Variants in PLAG1 observed in about 807,000 individuals in gnomAD.
PLAG1 encodes zinc finger protein PLAG1.
PLAG1 carries 7 observed loss-of-function variants against 35.5 expected under a neutral mutation model. The ratio of observed to expected loss-of-function variants is 0.20; its 90% CI spans 0.11 to 0.37. The LOEUF is 0.37. PLAG1 is among the 10% of genes least tolerant of loss of function. The probability of loss-of-function intolerance (pLI) is 1.00; values close to 1 mark genes in which losing one functional copy is unlikely to be tolerated. For synonymous variants in PLAG1, 229 were observed against 225.4 expected, an observed-to-expected ratio of 1.02 and a Z score of -0.14; for missense variants, 454 against 602.8, an observed-to-expected ratio of 0.75 and a Z score of 2.58.
At chr8:56,173,095 C>T (rs1171397396) in intron 2 of PLAG1, among the ~76,000 whole-genome samples, 2 of 152,034 alleles carry the variant, frequency 1.3e-5, no homozygotes, top group African/African-American at 4.8e-5. Context: ...CAAATACATT[C>T]ATAAAATCTT....
intron 1 of PLAG1, among the ~76,000 whole-genome samples, chr8:56,191,016 A>G (rs1287339635): frequency 6.6e-6 from 1 of 152,122 alleles, no homozygotes; most frequent in Admixed American, 6.5e-5. Context: ...GGCGCTACGG[A>G]ATTTAAAGGG....
Position 56,182,712 on chromosome 8 carries a change from G to A in PLAG1, c.-321-3199C>T, listed in dbSNP as rs114520238. 9.7e-4 allele frequency among the ~76,000 whole-genome samples: 148 copies of A among 152,202 alleles called. 2 individuals are homozygous for A. The highest frequency in any genetic ancestry group is 3.3e-3 in the African/African-American group (137 of 41,520). On this transcript the variant is annotated intron_variant, in intron 1 of 4. Transcript: ENST00000316981. ...AGGATGTTTTCTTTCTAGGAGCTTC[G>A]CACCTAAAGAGAAGAGAAAAACAAG...
chr8:56,169,912 C>T (rs1039902857), intron 3 of PLAG1, among the ~76,000 whole-genome samples: 3 of 152,200 alleles, frequency 2.0e-5, no homozygotes, highest in Non-Finnish European at 4.4e-5. Context: ...TTCCTTATAT[C>T]ACCTGTGTTT....
chr8:56,201,958 CTCT>C (rs1230155437), intron 1 of PLAG1, among the ~76,000 whole-genome samples: 2 of 141,192 alleles, frequency 1.4e-5, no homozygotes, highest in African/African-American at 5.1e-5. Context: ...TCTTTTTGGG[CTCT>C]TTTTTTTTTT....
Position 56,167,539 on chromosome 8 carries a change from T to C in PLAG1, c.243-36A>G, listed in dbSNP as rs1333225405. ...AGATATAATCTATAAGTAGTTATTA[T>C]GACAAAAATGGCATGTATTCACTTT... On this transcript the variant is annotated intron_variant, in intron 4 of 4. Transcript: ENST00000316981. The surrounding 1 kb of genome is among the most constrained non-coding windows in gnomAD (Gnocchi z 5.9). The C allele has an allele frequency of 3.0e-6, 4 of 1,354,722 alleles. No individual in the cohort carries two copies. The highest frequency in any genetic ancestry group is 4.1e-6 in the Non-Finnish European group (4 of 977,784). 83.9% of individuals were successfully genotyped at this position (1,354,722 alleles called of 1,614,324 possible). A position where few individuals can be genotyped will look rare whatever the true frequency, so the allele number is the denominator to read the frequency against.
At chr8:56,208,730 T>C (rs1245157685) in intron 1 of PLAG1, among the ~76,000 whole-genome samples, 1 of 152,196 alleles carries the variant, frequency 6.6e-6, no homozygotes, top group East Asian at 1.9e-4. Flanking sequence ...ATCCCCATTA[T>C]AGTACAGCTA....
Position 56,162,443 on chromosome 8 carries a change from C to T in PLAG1, c.*3800G>A, listed in dbSNP as rs1340926240. ...AATATAGCAAATTGATAAGAAAACA[C>T]TGTAAAAATGTACCTGTTTAAAATA... On this transcript the variant is annotated 3_prime_UTR_variant, in exon 5 of 5. Transcript: ENST00000316981. 4.5e-6 allele frequency: 1 copy of T among 220,276 alleles called. No homozygotes were observed. Among genetic ancestry groups the T allele is most frequent in the Non-Finnish European group, 9.1e-6 (1 of 109,776 alleles). 13.6% of individuals were successfully genotyped at this position (220,276 alleles called of 1,614,324 possible). A position where few individuals can be genotyped will look rare whatever the true frequency, so the allele number is the denominator to read the frequency against.
chr8:56,192,074 A>T (rs1342902404), intron 1 of PLAG1, among the ~76,000 whole-genome samples: 2 of 152,220 alleles, frequency 1.3e-5, no homozygotes, highest in African/African-American at 4.8e-5. Flanking sequence ...GGACAAATTA[A>T]AACAAAAGAA....
Position 56,163,661 on chromosome 8 carries a change from G to T in PLAG1, c.*2582C>A, listed in dbSNP as rs1289486395. 5.7e-6 allele frequency: 1 copy of T among 175,516 alleles called. No homozygotes were observed. Among genetic ancestry groups the T allele is most frequent in the Admixed American group, 6.4e-5 (1 of 15,548 alleles). The allele number at this position is 175,516 out of a possible 1,614,324, so 10.9% of individuals were successfully genotyped here. On this transcript the variant is annotated 3_prime_UTR_variant, in exon 5 of 5. Transcript: ENST00000316981. ...TTCATGCAGGGCAAGATTTAAGTAT[G>T]TGTGTGTGTGTGTATATATACACAC...
chr8:56,187,514 C>T (rs1445871530), intron 1 of PLAG1, among the ~76,000 whole-genome samples: 1 of 152,170 alleles, frequency 6.6e-6, no homozygotes, highest in Non-Finnish European at 1.5e-5. Flanking sequence ...AAAACATCTA[C>T]CTTGCAGTAG....
chr8:56,197,850 G>GTTGCGCAGGGCTT (rs1812430348), intron 1 of PLAG1, among the ~76,000 whole-genome samples: 1 of 152,198 alleles, frequency 6.6e-6, no homozygotes, highest in South Asian at 2.1e-4. Context: ...GTCTGTACTT[G>GTTGCGCAGGGCTT]TTGCGCAGGG....
At position 56,164,921 on chromosome 8, in the gene PLAG1, A is replaced by G. The variant is rs1407818140; in HGVS notation, c.*1322T>C. Reference sequence around the variant, plus strand: ...GCATGAAAGTGGGATTTTACTGTATATATTTCTAGTCACTTAAAACTTTGT... The same window carrying G: ...GCATGAAAGTGGGATTTTACTGTATGTATTTCTAGTCACTTAAAACTTTGT... On this transcript the variant is annotated 3_prime_UTR_variant, in exon 5 of 5. Coordinates refer to ENST00000316981, the MANE Select transcript of PLAG1 (RefSeq NM_002655.3). 2 of 209,502 alleles carry G rather than the reference A, an allele frequency of 9.5e-6. No individual in the cohort carries two copies. Among genetic ancestry groups the G allele is most frequent in the Non-Finnish European group, 1.9e-5 (2 of 103,036 alleles). The allele number at this position is 209,502 out of a possible 1,614,324, so 13.0% of individuals were successfully genotyped here.
chr8:56,211,165 C>T lies in PLAG1; in HGVS notation c.-366G>A, dbSNP rs888272432. 2.0e-5 allele frequency: 3 copies of T among 153,430 alleles called. No individual in the cohort carries two copies. Among genetic ancestry groups the T allele is most frequent in the African/African-American group, 7.2e-5 (3 of 41,428 alleles). 9.5% of individuals were successfully genotyped at this position (153,430 alleles called of 1,614,324 possible). On this transcript the variant is annotated 5_prime_UTR_variant, in exon 1 of 5. Coordinates refer to ENST00000316981, the MANE Select transcript of PLAG1 (RefSeq NM_002655.3). ...CCCTCCGGCCCGTCCGCCGCCTCTACACCGCCCGCGGAATTTCTAATAATT... is the reference window on the plus strand; with the variant it reads ...CCCTCCGGCCCGTCCGCCGCCTCTATACCGCCCGCGGAATTTCTAATAATT...
intron 2 of PLAG1, among the ~76,000 whole-genome samples, chr8:56,176,408 T>TG (rs1433759227): frequency 4.9e-5 from 1 of 20,598 alleles, no homozygotes; most frequent in Admixed American, 7.1e-4. Context: ...AACTGCTATT[T>TG]GGGGTGGGGG....
chr8:56,206,268 G>C (rs1812699188), intron 1 of PLAG1, among the ~76,000 whole-genome samples: 1 of 151,892 alleles, frequency 6.6e-6, no homozygotes, highest in African/African-American at 2.4e-5. Context: ...CGATTTAAAA[G>C]TAAAAATCAA....
chr8:56,189,711 G>A (rs554382953), intron 1 of PLAG1, among the ~76,000 whole-genome samples: 209 of 152,340 alleles, frequency 1.4e-3, no homozygotes, highest in African/African-American at 4.8e-3. Flanking sequence ...CCAAGCTTTG[G>A]AGATGGGAAT....
Position 56,166,687 on chromosome 8 carries a change from C to G in PLAG1, c.1059G>C (p.Lys353Asn), listed in dbSNP as rs747149409. The G allele has an allele frequency of 6.2e-7, 1 of 1,614,082 alleles. No individual in the cohort carries two copies. The highest frequency in any genetic ancestry group is 1.1e-5 in the South Asian group (1 of 91,082). ...CCATCAGGTAACTCTCAATTTCCCC[C>G]TTTAATGGCTGTTCTTTTTCAGGAA... ...ISIPEKEQPL[K>N]GEIESYLMEL... The change falls in exon 5 of 5, where the codon AAG (lysine) becomes AAC (asparagine). Residue 353 changes from lysine to asparagine, a missense_variant. By Grantham distance (94) the Lys-to-Asn change is moderately conservative (BLOSUM62 0). This residue lies in a region of PLAG1 where 271 missense variants were observed against 315.6 expected (regional missense o/e 0.86). Coordinates refer to ENST00000316981, the MANE Select transcript of PLAG1 (RefSeq NM_002655.3).
In PLAG1 at chr8:56,166,160, T is replaced by C; in HGVS notation, c.*83A>G. 1 of 997,606 alleles carries C rather than the reference T, an allele frequency of 1.0e-6. No individual in the cohort carries two copies. Among genetic ancestry groups the C allele is most frequent in the Admixed American group, 2.4e-5 (1 of 41,934 alleles). The allele number at this position is 997,606 out of a possible 1,614,324, so 61.8% of individuals were successfully genotyped here. On this transcript the variant is annotated 3_prime_UTR_variant, in exon 5 of 5. Transcript: ENST00000316981. ...ACAAAAGCAGAAATTTTTATACTGT[T>C]TTAAAGTAGGCACTAAAATAAAAAT...
rs144706882 is a variant in PLAG1 at position 56,191,131 on chromosome 8, T to C, written c.-321-11618A>G. On this transcript the variant is annotated intron_variant, in intron 1 of 4. Transcript: ENST00000316981. ...CACTGCAGGCCTGCTTTACACGCGC[T>C]GCTTTTAGATCACCCAGTAATGTCA... Among the ~76,000 whole-genome samples, 260 of 152,312 alleles carry C rather than the reference T, an allele frequency of 1.7e-3. 2 individuals are homozygous for C. Among genetic ancestry groups the C allele is most frequent in the Non-Finnish European group, 3.2e-3 (220 of 68,026 alleles).
Sources: allele counts gnomAD v4.1 joint callset (sites outside exome capture counted in the v4.1 genomes callset), GRCh38; gene constraint gnomAD v4.1.1; regional missense constraint gnomAD v4.1.1; non-coding constraint Gnocchi (gnomAD v3.1); transcripts MANE v1.5; gene names NCBI Gene and HGNC (gene_info 2026-07-23, HGNC 2026-07-21).